ROCK2: variants seen among roughly 807,000 people sequenced by gnomAD.
The protein encoded by ROCK2 is rho-associated protein kinase 2.
Under a neutral mutation model 195.1 loss-of-function variants are expected in ROCK2, and 61 were observed. That is an observed-to-expected ratio of 0.31 (90% CI 0.25 to 0.39). The LOEUF is 0.39. ROCK2 is among the 10% of genes least tolerant of loss of function. The pLI is 1.00. For synonymous variants in ROCK2, 504 were observed against 545.5 expected (o/e 0.92, Z 1.06); for missense variants, 1,109 against 1,637.4 (o/e 0.68, Z 5.57).
intron 1 of ROCK2, among the ~76,000 whole-genome samples, chr2:11,293,849 G>A (rs1266798788): frequency 1.3e-5 from 2 of 152,232 alleles, no homozygotes; most frequent in Non-Finnish European, 2.9e-5. Context: ...ATTAACGATA[G>A]CATATTCTGA....
intron 1 of ROCK2, among the ~76,000 whole-genome samples, chr2:11,295,358 C>A (rs1463308368): frequency 6.6e-6 from 1 of 151,650 alleles, no homozygotes; most frequent in Non-Finnish European, 1.5e-5. Context: ...GCAAGTTAGA[C>A]TTTTTAAAAA....
At chr2:11,225,978 C>T (rs772776140) in intron 6 of ROCK2, among the ~76,000 whole-genome samples, 4 of 152,248 alleles carry the variant, frequency 2.6e-5, no homozygotes, top group Non-Finnish European at 5.9e-5. Context: ...TTTAAATTTG[C>T]AATTTACCGA....
intron 5 of ROCK2, among the ~76,000 whole-genome samples, chr2:11,231,481 T>A (rs1665008827): frequency 6.6e-6 from 1 of 152,194 alleles, no homozygotes; most frequent in Non-Finnish European, 1.5e-5. Context: ...GTGCTGGGGT[T>A]ACAGGCATGA....
intron 4 of ROCK2, among the ~76,000 whole-genome samples, chr2:11,240,161 C>A (rs531926997): frequency 1.3e-5 from 2 of 152,200 alleles, no homozygotes; most frequent in South Asian, 4.1e-4. Context: ...TAAACTCAAT[C>A]TCTAATCCTC....
At chr2:11,213,450 C>A (rs1185250536) in intron 17 of ROCK2, among the ~76,000 whole-genome samples, 1 of 151,896 alleles carries the variant, frequency 6.6e-6, no homozygotes. Flanking sequence ...ATCTTCAGGC[C>A]AATCTAACCT....
At chr2:11,323,418 C>A (rs1312073348) in intron 1 of ROCK2, among the ~76,000 whole-genome samples, 1 of 152,136 alleles carries the variant, frequency 6.6e-6, no homozygotes, top group Admixed American at 6.5e-5. Flanking sequence ...CACTAAATCT[C>A]TCAGGTACAG....
intron 20 of ROCK2, among the ~76,000 whole-genome samples, chr2:11,202,335 G>A (rs1427978218): frequency 6.6e-6 from 1 of 151,964 alleles, no homozygotes; most frequent in Admixed American, 6.6e-5. Flanking sequence ...GAGGCCACAT[G>A]ACTTGTAATT....
At position 11,201,507 on chromosome 2, in the gene ROCK2, T is replaced by TA; in HGVS notation, c.2620-95dup. 1 of 721,622 alleles carries TA rather than the reference T, an allele frequency of 1.4e-6. No individual in the cohort carries two copies. The highest frequency in any genetic ancestry group is 2.4e-6 in the Non-Finnish European group (1 of 417,298). 44.7% of individuals were successfully genotyped at this position (721,622 alleles called of 1,614,324 possible). On this transcript the variant is annotated intron_variant, in intron 21 of 32. Transcript: ENST00000315872. This position sits in a 1 kb window ranked among gnomAD's most constrained non-coding sequence, Gnocchi z 4.6. The stretch of plus-strand genomic sequence containing the variant: ...TCAGACAAAAAGGAGAATGAACACA[T>TA]ACAAATATTTTCTTACTGCTAAGTC...
intron 3 of ROCK2, among the ~76,000 whole-genome samples, chr2:11,253,890 C>T (rs969422402): frequency 1.3e-5 from 2 of 152,188 alleles, no homozygotes; most frequent in Non-Finnish European, 2.9e-5. Context: ...CTGGTGTCTT[C>T]CCCAGAGCAG....
intron 3 of ROCK2, among the ~76,000 whole-genome samples, chr2:11,269,510 CA>C (rs61527035): frequency 0.5 from 68,380 of 136,388 alleles, 16,391 homozygotes; most frequent in Admixed American, 0.57. Flanking sequence ...GACTCCATCT[CA>C]AAAAAAAAAA....
At chr2:11,301,312 T>G (rs575672601) in intron 1 of ROCK2, among the ~76,000 whole-genome samples, 2 of 152,268 alleles carry the variant, frequency 1.3e-5, no homozygotes, top group East Asian at 3.9e-4. Flanking sequence ...AGATTAAAAC[T>G]TCAGAGGTCA....
In ROCK2 at chr2:11,292,123, ACTTT is replaced by A. The variant is rs534889437; in HGVS notation, c.142-4391_142-4388del. Among the ~76,000 whole-genome samples the A allele has an allele frequency of 6.5e-3, 987 of 152,298 alleles. 17 individuals are homozygous for A. Among genetic ancestry groups the A allele is most frequent in the African/African-American group, 0.023 (949 of 41,542 alleles). On this transcript the variant is annotated intron_variant, in intron 1 of 32. Transcript: ENST00000315872. ...TATTATTTCTAAATCACTGTTCACC[ACTTT>A]CTTAGTACTACTATTTTAAATACCG...
intron 20 of ROCK2, among the ~76,000 whole-genome samples, chr2:11,206,559 G>C (rs1664058952): frequency 6.6e-6 from 1 of 152,154 alleles, no homozygotes. Context: ...TGAAGGTCTA[G>C]GCTTACCCTG....
chr2:11,278,189 C>A (rs1666890254), intron 3 of ROCK2, among the ~76,000 whole-genome samples: 1 of 152,178 alleles, frequency 6.6e-6, no homozygotes, highest in African/African-American at 2.4e-5. Context: ...ACTTATTCCT[C>A]CCATCTAACT....
chr2:11,186,232 T>C (rs544116744), intron 32 of ROCK2, among the ~76,000 whole-genome samples: 41 of 152,326 alleles, frequency 2.7e-4, no homozygotes, highest in African/African-American at 9.9e-4. Context: ...TCTAGACTTA[T>C]ATATAATGTA....
At chr2:11,208,765 G>C (rs1664147743) in intron 18 of ROCK2, among the ~76,000 whole-genome samples, 1 of 151,834 alleles carries the variant, frequency 6.6e-6, no homozygotes, top group African/African-American at 2.4e-5. Flanking sequence ...GCTAAGTTTT[G>C]TATTTTTAGT....
chr2:11,254,508 G>A (rs750531995), intron 3 of ROCK2, among the ~76,000 whole-genome samples: 1 of 152,046 alleles, frequency 6.6e-6, no homozygotes, highest in Non-Finnish European at 1.5e-5. Flanking sequence ...AAGCAGTCCA[G>A]GTTTATTAGA....
chr2:11,280,454 T>C (rs1226526865), intron 3 of ROCK2, among the ~76,000 whole-genome samples: 1 of 144,080 alleles, frequency 6.9e-6, no homozygotes, highest in Non-Finnish European at 1.5e-5. Flanking sequence ...TGAAACCCCA[T>C]CTCTACAGAA....
intron 1 of ROCK2, among the ~76,000 whole-genome samples, chr2:11,300,892 A>G (rs1667681577): frequency 6.6e-6 from 1 of 152,220 alleles, no homozygotes; most frequent in Non-Finnish European, 1.5e-5. Context: ...CAGAATTAGA[A>G]AGTGAGTATT....
Sources: allele counts gnomAD v4.1 joint callset (sites outside exome capture counted in the v4.1 genomes callset), GRCh38; gene constraint gnomAD v4.1.1; non-coding constraint Gnocchi (gnomAD v3.1); transcripts MANE v1.5; gene names NCBI Gene and HGNC (gene_info 2026-07-23, HGNC 2026-07-21).